THSD4: variants seen among roughly 807,000 people sequenced by gnomAD.
THSD4 encodes the protein thrombospondin type 1 domain containing 4.
A neutral mutation model predicts 119.0 loss-of-function variants in THSD4; 69 were observed. The observed-to-expected ratio is 0.58, with a 90% confidence interval of 0.48 to 0.71. The LOEUF is 0.71. THSD4 is among the 30% of genes least tolerant of loss of function. The pLI is 0.00. For synonymous variants in THSD4, 524 were observed against 540.4 expected (o/e 0.97, Z 0.42); for missense variants, 1,393 against 1,391.1 (o/e 1.00, Z -0.02).
chr15:71,694,187 G>A (rs578218584), intron 8 of THSD4, among the ~76,000 whole-genome samples: 2 of 152,270 alleles, frequency 1.3e-5, no homozygotes, highest in Admixed American at 1.3e-4. Context: ...AGATGGAATG[G>A]ATTTCCATCT....
intron 6 of THSD4, among the ~76,000 whole-genome samples, chr15:71,268,338 AC>A (rs1430031863): frequency 2.6e-5 from 4 of 152,184 alleles, no homozygotes; most frequent in Non-Finnish European, 5.9e-5. Context: ...AAACTGAACA[AC>A]CTTCTCCTGA....
chr15:71,234,392 A>G (rs1285101649), intron 4 of THSD4, among the ~76,000 whole-genome samples: 2 of 151,816 alleles, frequency 1.3e-5, no homozygotes, highest in Non-Finnish European at 2.9e-5. Flanking sequence ...TGCAACCTCC[A>G]CCTCCCGGTT....
At chr15:71,665,702 A>G (rs560419256) in intron 8 of THSD4, among the ~76,000 whole-genome samples, 3 of 152,292 alleles carry the variant, frequency 2.0e-5, no homozygotes, top group East Asian at 3.9e-4. Flanking sequence ...TCCAGTTTCA[A>G]TCTTCTCCAT....
chr15:71,157,007 A>G (rs2040784572), intron 3 of THSD4, among the ~76,000 whole-genome samples: 1 of 152,214 alleles, frequency 6.6e-6, no homozygotes, highest in Non-Finnish European at 1.5e-5. Flanking sequence ...AGAAAGGACA[A>G]CTGCCTACTT....
At chr15:71,379,652 G>T (rs997606374) in intron 6 of THSD4, among the ~76,000 whole-genome samples, 3 of 151,326 alleles carry the variant, frequency 2.0e-5, no homozygotes, top group Non-Finnish European at 2.9e-5. Context: ...TAGAGACAGG[G>T]TTTCACCGTG....
intron 7 of THSD4, among the ~76,000 whole-genome samples, chr15:71,521,024 G>A (rs1190959765): frequency 6.6e-6 from 1 of 152,176 alleles, no homozygotes; most frequent in African/African-American, 2.4e-5. Context: ...TTGAAATGTT[G>A]GTAGATCAAC....
At chr15:71,280,799 A>G (rs2044642555) in intron 6 of THSD4, among the ~76,000 whole-genome samples, 1 of 152,162 alleles carries the variant, frequency 6.6e-6, no homozygotes, top group Non-Finnish European at 1.5e-5. Context: ...AGTCCTTCAA[A>G]AAGGTCCATC....
intron 1 of THSD4, among the ~76,000 whole-genome samples, chr15:71,134,407 G>C (rs1487906161): frequency 6.6e-6 from 1 of 152,240 alleles, no homozygotes; most frequent in Non-Finnish European, 1.5e-5. Context: ...CAGTGGCTTA[G>C]CGCCTTCAGC....
intron 8 of THSD4, among the ~76,000 whole-genome samples, chr15:71,706,356 G>A (rs1371182369): frequency 6.6e-6 from 1 of 151,610 alleles, no homozygotes; most frequent in African/African-American, 2.4e-5. Flanking sequence ...AGGCAGGGAT[G>A]GGAGAAAAAA....
chr15:71,660,755 G>C lies in THSD4; in HGVS notation c.1357+21G>C, dbSNP rs185937067. Reference sequence around the variant, plus strand: ...TTTGGGTAAGCTTGGTCTTTTTCCAGAGAAAACCGTCTGTCCCTGCCAGAT... The same window carrying C: ...TTTGGGTAAGCTTGGTCTTTTTCCACAGAAAACCGTCTGTCCCTGCCAGAT... On this transcript the variant is annotated intron_variant, in intron 8 of 17. Coordinates refer to ENST00000261862, the MANE Select transcript of THSD4 (RefSeq NM_024817.3). The C allele has an allele frequency of 1.1e-3, 1,727 of 1,613,476 alleles. 3 individuals are homozygous for C. Among genetic ancestry groups the C allele is most frequent in the Non-Finnish European group, 1.3e-3 (1,570 of 1,179,704 alleles).
At chr15:71,356,422 C>T (rs146838628) in intron 6 of THSD4, among the ~76,000 whole-genome samples, 3 of 152,328 alleles carry the variant, frequency 2.0e-5, no homozygotes, top group South Asian at 4.1e-4. Flanking sequence ...TGCCTGTCTT[C>T]AGCCTCAGTG....
intron 16 of THSD4, among the ~76,000 whole-genome samples, chr15:71,768,277 C>A (rs28869928): frequency 0.04 from 1,978 of 49,332 alleles, 21 homozygotes; most frequent in Admixed American, 0.048. Flanking sequence ...CAAAAAAAAC[C>A]AAAAAAAAAC....
At chr15:71,406,533 A>ATTGATC (rs2046608181) in intron 6 of THSD4, among the ~76,000 whole-genome samples, 1 of 152,100 alleles carries the variant, frequency 6.6e-6, no homozygotes, top group Non-Finnish European at 1.5e-5. Context: ...GTATTTCCAT[A>ATTGATC]TTGATCTTCT....
At chr15:71,219,319 G>C (rs1466324330) in intron 4 of THSD4, among the ~76,000 whole-genome samples, 1 of 152,162 alleles carries the variant, frequency 6.6e-6, no homozygotes, top group Non-Finnish European at 1.5e-5. Context: ...GGGAAGCACT[G>C]GTCTGGATGA....
chr15:71,216,123 G>A (rs746394891), intron 4 of THSD4, among the ~76,000 whole-genome samples: 119 of 152,220 alleles, frequency 7.8e-4, no homozygotes, highest in Non-Finnish European at 1.6e-3. Context: ...GCATTCATCC[G>A]GCAGTATTTG....
intron 3 of THSD4, among the ~76,000 whole-genome samples, chr15:71,199,918 T>TGTGTG (rs2043785555): frequency 1.2e-5 from 1 of 83,658 alleles, no homozygotes; most frequent in Non-Finnish European, 2.3e-5. Flanking sequence ...ATGTGTGGGG[T>TGTGTG]GTGTGTGTGT....
intron 7 of THSD4, among the ~76,000 whole-genome samples, chr15:71,604,130 G>A (rs1013817152): frequency 6.6e-6 from 1 of 152,166 alleles, no homozygotes; most frequent in African/African-American, 2.4e-5. Flanking sequence ...GGATAGTGAA[G>A]ATAATGAAAT....
At chr15:71,579,166 T>A (rs1024319036) in intron 7 of THSD4, among the ~76,000 whole-genome samples, 3 of 152,216 alleles carry the variant, frequency 2.0e-5, no homozygotes, top group Non-Finnish European at 2.9e-5. Flanking sequence ...TAATTATGTT[T>A]TCAGTTTAAG....
chr15:71,441,327 G>A (rs1488482693), intron 7 of THSD4, among the ~76,000 whole-genome samples: 1 of 34,246 alleles, frequency 2.9e-5, no homozygotes, highest in East Asian at 5.8e-4. Context: ...ATTGGGATCA[G>A]TGGGCAACAG....
Sources: allele counts gnomAD v4.1 joint callset (sites outside exome capture counted in the v4.1 genomes callset), GRCh38; gene constraint gnomAD v4.1.1; transcripts MANE v1.5; gene names NCBI Gene and HGNC (gene_info 2026-07-23, HGNC 2026-07-21).